GC: variants seen among roughly 807,000 people sequenced by gnomAD.
GC encodes vitamin D-binding protein.
In GC, 43 loss-of-function variants were observed where a neutral mutation model predicts 56.7. The ratio of observed to expected loss-of-function variants is 0.76; its 90% CI spans 0.59 to 0.98. GC has a LOEUF of 0.98. GC is among the 50% of genes least tolerant of loss of function. The pLI is 0.00. For missense variants in GC, 529 were observed against 545.9 expected (o/e 0.97, Z 0.31); for synonymous variants, 216 against 202.7 (o/e 1.07, Z -0.56).
intron 1 of GC, among the ~76,000 whole-genome samples, chr4:71,776,434 T>C (rs1183917693): frequency 6.6e-6 from 1 of 151,744 alleles, no homozygotes; most frequent in Non-Finnish European, 1.5e-5. Flanking sequence ...CATTATATCA[T>C]ATATGGAATC....
At chr4:71,780,480 C>T (rs1742637674) in intron 1 of GC, among the ~76,000 whole-genome samples, 1 of 151,978 alleles carries the variant, frequency 6.6e-6, no homozygotes, top group Non-Finnish European at 1.5e-5. Context: ...TTGCAATGTA[C>T]CCATCTGACA....
chr4:71,745,006 A>C (rs1157231077), intron 12 of GC, among the ~76,000 whole-genome samples: 1 of 152,200 alleles, frequency 6.6e-6, no homozygotes, highest in Non-Finnish European at 1.5e-5. Context: ...TGGGCAGGAA[A>C]ACTTTTTAGT....
At chr4:71,769,449 A>G (rs755426515) in intron 1 of GC, 49 bp from the exon 2 acceptor site, 1 of 1,175,642 alleles carries the variant, frequency 8.5e-7, no homozygotes, top group African/African-American at 1.5e-5. Flanking sequence ...TTTGATGAAT[A>G]TTATGTTACA....
chr4:71,799,162 G>T lies in GC; in HGVS notation c.21+4764C>A, dbSNP rs149564824. ...GGAATCATTTCAAGTCTCTGGAAGT[G>T]GTTCTAGGGGCATATAGCAAATGAA... On this transcript the variant is annotated intron_variant, in intron 1 of 13. Coordinates refer to the GC transcript ENST00000504199. 3.1e-4 allele frequency among the ~76,000 whole-genome samples: 47 copies of T among 152,254 alleles called. 1 individual carries two copies. Among genetic ancestry groups the T allele is most frequent in the African/African-American group, 1.1e-3 (45 of 41,562 alleles).
At chr4:71,761,250 G>A (rs996449803) in intron 6 of GC, among the ~76,000 whole-genome samples, 1 of 152,202 alleles carries the variant, frequency 6.6e-6, no homozygotes, top group Non-Finnish European at 1.5e-5. Flanking sequence ...CTCTTGTTAT[G>A]TATTAGCAAA....
intron 1 of GC, among the ~76,000 whole-genome samples, chr4:71,778,017 C>T (rs1427854216): frequency 6.6e-6 from 1 of 150,902 alleles, no homozygotes; most frequent in African/African-American, 2.4e-5. Flanking sequence ...ACATGTATTC[C>T]AGAACTTAAA....
intron 11 of GC, among the ~76,000 whole-genome samples, chr4:71,748,069 G>T (rs1741433046): frequency 6.6e-6 from 1 of 152,144 alleles, no homozygotes; most frequent in South Asian, 2.1e-4. Flanking sequence ...AATAAATTTA[G>T]ATTTTTCTAA....
chr4:71,773,146 T>C (rs1394007257), intron 1 of GC, among the ~76,000 whole-genome samples: 2 of 151,982 alleles, frequency 1.3e-5, no homozygotes, highest in Admixed American at 6.6e-5. Flanking sequence ...ATAAAGAAGG[T>C]GATTTGGACT....
intron 12 of GC, among the ~76,000 whole-genome samples, chr4:71,745,237 G>A (rs1264384543): frequency 3.9e-5 from 6 of 152,156 alleles, no homozygotes; most frequent in Non-Finnish European, 8.8e-5. Flanking sequence ...TAGTTAGAGT[G>A]GGGATTCTAA....
chr4:71,793,807 C>G (rs1743027934), intron 1 of GC, among the ~76,000 whole-genome samples: 1 of 152,028 alleles, frequency 6.6e-6, no homozygotes, highest in African/African-American at 2.4e-5. Flanking sequence ...ATAAATAGCT[C>G]TTATTATTGT....
chr4:71,794,780 C>G lies in GC; in HGVS notation c.21+9146G>C, dbSNP rs568875239. ...GTTGATTTTTTATCTTTCCTGCTTT[C>G]TCTTGTGGGCATTTAGTGGTATAAA... On this transcript the variant is annotated intron_variant, in intron 1 of 13. Transcript: ENST00000504199. 2.0e-5 allele frequency among the ~76,000 whole-genome samples: 3 copies of G among 152,206 alleles called. No homozygotes were observed. In the East Asian group the frequency reaches 5.8e-4, roughly 29 times the overall value.
At chr4:71,804,879 C>T (rs1012886093), upstream of GC, among the ~76,000 whole-genome samples, 10 of 147,580 alleles carry the variant, frequency 6.8e-5, no homozygotes, top group Non-Finnish European at 1.0e-4. Context: ...CCTCTGTTTC[C>T]TTGTTTGTAT....
rs543654423 is a variant in GC at position 71,763,340 on chromosome 4, A to C, written c.701+68T>G. On this transcript the variant is annotated intron_variant, in intron 6 of 12. Transcript: ENST00000273951. ...TCAATATAGACAGCTTCTTAAAAAA[A>C]CCCTAATATTATGGATAGACAGTGC... 7 of 732,732 alleles carry C rather than the reference A, an allele frequency of 9.6e-6. No homozygotes were observed. The Admixed American group carries it at 1.2e-4, about 13-fold the overall frequency. 45.4% of individuals were successfully genotyped at this position (732,732 alleles called of 1,614,324 possible).
chr4:71,799,767 A>G (rs1405229027), intron 1 of GC, among the ~76,000 whole-genome samples: 1 of 152,208 alleles, frequency 6.6e-6, no homozygotes, highest in East Asian at 1.9e-4. Context: ...TTTACAACAA[A>G]AAAGCAGTGA....
rs538541496 is a variant in GC, at chr4:71,747,763, C to T, written c.1396-1558G>A. On this transcript the variant is annotated intron_variant, in intron 11 of 12. Coordinates refer to ENST00000273951, the MANE Select transcript of GC (RefSeq NM_000583.4). ...ATAGCTAGAGAGGTGTCTAAAGTGC[C>T]TTATTTATTATTTTTTGAGATAAGA... Among the ~76,000 whole-genome samples, 5 of 151,934 alleles carry T rather than the reference C, an allele frequency of 3.3e-5. No individual in the cohort carries two copies. In the South Asian group the frequency reaches 1.0e-3, roughly 32 times the overall value.
rs35292398 is a variant in GC, at chr4:71,744,458, C to CAAA, written c.*25+1690_*25+1692dup. ...TGGGAGACAGAGCGAGACTCCATCTCAAAAAAAAAAAAAAAAAAAAAGATA... is the reference window on the plus strand; with the variant it reads ...TGGGAGACAGAGCGAGACTCCATCTCAAAAAAAAAAAAAAAAAAAAAAAAGATA... On this transcript the variant is annotated intron_variant, in intron 12 of 12. Coordinates refer to ENST00000273951, the MANE Select transcript of GC (RefSeq NM_000583.4). 8.0e-3 allele frequency among the ~76,000 whole-genome samples: 666 copies of CAAA among 83,252 alleles called. 27 individuals are homozygous for CAAA. Among genetic ancestry groups the CAAA allele is most frequent in the African/African-American group, 0.03 (556 of 18,556 alleles). 54.6% of individuals were successfully genotyped at this position (83,252 alleles called of 152,430 possible).
intron 1 of GC, among the ~76,000 whole-genome samples, chr4:71,792,155 A>T: frequency 6.6e-6 from 1 of 152,216 alleles, no homozygotes; most frequent in East Asian, 1.9e-4. Flanking sequence ...TAGTAGCATG[A>T]TTTATAATCC....
chr4:71,752,582 T>A lies in GC; in HGVS notation c.1331A>T (p.Lys444Met). 1.2e-6 allele frequency: 2 copies of A among 1,613,208 alleles called. No individual in the cohort carries two copies. The highest frequency in any genetic ancestry group is 2.2e-5 in the South Asian group (2 of 91,052). The change falls in exon 11 of 13, where the codon AAG (lysine) becomes ATG (methionine). Residue 444 changes from lysine to methionine, a missense_variant. Coordinates refer to ENST00000273951, the MANE Select transcript of GC (RefSeq NM_000583.4). ...GCAGTTGGAGGCAAAGTCTGAGTGC[T>A]TGTTAACCAGCTTTGCCAGTTCCGT... Reference protein sequence around the residue: ...TPTELAKLVNKHSDFASNCCS... With the variant: ...TPTELAKLVNMHSDFASNCCS...
At chr4:71,747,607 C>T (rs1253589354) in intron 11 of GC, among the ~76,000 whole-genome samples, 2 of 151,954 alleles carry the variant, frequency 1.3e-5, no homozygotes, top group Admixed American at 1.3e-4. Context: ...TGTTGGCGTG[C>T]CTTTGTTGAC....
Sources: gnomAD v4.1 joint callset for allele counts (sites outside exome capture counted in the v4.1 genomes callset) on GRCh38, gnomAD v4.1.1 for gene constraint, MANE v1.5 for transcripts, NCBI Gene and HGNC (gene_info 2026-07-23, HGNC 2026-07-21) for gene names.